The following SLF2 variants were observed in gnomAD, a reference collection of about 807,000 sequenced individuals.
The protein encoded by SLF2 is SMC5-SMC6 complex localization factor protein 2.
Under a neutral mutation model 124.3 loss-of-function variants are expected in SLF2, and 68 were observed. The observed-to-expected ratio is 0.55, with a 90% CI of 0.45 to 0.67. SLF2 has a LOEUF of 0.67. SLF2 is among the 30% of genes least tolerant of loss of function. SLF2 has a pLI of 0.00. For synonymous variants in SLF2, 480 were observed against 478.8 expected (o/e 1.00, Z -0.03); for missense variants, 1,246 against 1,373.7 (o/e 0.91, Z 1.47).
chr10:100,917,313 A>C lies in SLF2; in HGVS notation c.915+13A>C, dbSNP rs1335036174. ...TCTGTCAAATGTGGTATGTGTAAGA[A>C]TTATTGAATTAGCATTGCTACTGCT... On this transcript the variant is annotated intron_variant, in intron 3 of 19. Transcript: ENST00000238961. 6.3e-7 allele frequency: 1 copy of C among 1,584,862 alleles called. No individual in the cohort carries two copies. Among genetic ancestry groups the C allele is most frequent in the Admixed American group, 1.8e-5 (1 of 54,870 alleles).
chr10:100,937,381 T>G (rs1159082311), intron 9 of SLF2, 21 bp from the exon 10 acceptor site: 6 of 1,576,904 alleles, frequency 3.8e-6, no homozygotes, highest in Non-Finnish European at 5.2e-6. Flanking sequence ...TAATATCCTG[T>G]CATTTCTCTG....
In SLF2 at chr10:100,947,119, T is replaced by C. The variant is rs1359875869; in HGVS notation, c.3015T>C (p.Asn1005=). The C allele has an allele frequency of 1.3e-6, 2 of 1,579,424 alleles. No individual in the cohort carries two copies. Among genetic ancestry groups the C allele is most frequent in the African/African-American group, 2.7e-5 (2 of 72,732 alleles). ...TGTGGTTGGTACAGCTGGTCCCTAA[T>C]TGGACATCACGTGGAAGGTATTAAA... ...NLLWLVQLVP[N]WTSRGRQLRQ... is the part of the protein sequence containing the mutation. The change falls in exon 14 of 20, where the codon AAT becomes AAC. Residue 1005 remains asparagine, a synonymous_variant. Transcript: ENST00000238961.
At chr10:100,953,119 G>A (rs1323191513) in intron 17 of SLF2, among the ~76,000 whole-genome samples, 3 of 150,918 alleles carry the variant, frequency 2.0e-5, no homozygotes, top group Admixed American at 6.6e-5. Context: ...AGGTTCAAGC[G>A]ATTCTCCTGC....
chr10:100,950,306 C>A, intron 16 of SLF2, 99 bp downstream of exon 16: 2 of 1,231,860 alleles, frequency 1.6e-6, no homozygotes, highest in Non-Finnish European at 2.2e-6. Context: ...GATTTGGACA[C>A]TAGACACATT....
rs1169821847 is a variant in SLF2 at position 100,916,976 on chromosome 10, C to T, written c.591C>T (p.Ser197=). ...ATCGAGGCAAAACCAATGCAGACTCCAAAAAGCAGACCACAGTGGCAGAAG... is the reference window on the plus strand; with the variant it reads ...ATCGAGGCAAAACCAATGCAGACTCTAAAAAGCAGACCACAGTGGCAGAAG... ...DRDRGKTNAD[S]KKQTTVAEAD... The change falls in exon 3 of 20, where the codon TCC becomes TCT. Residue 197 remains serine, a synonymous_variant. Transcript: ENST00000238961. 1.2e-6 allele frequency: 2 copies of T among 1,614,026 alleles called. No homozygotes were observed. Among genetic ancestry groups the T allele is most frequent in the Admixed American group, 1.7e-5 (1 of 60,016 alleles).
At chr10:100,957,736 T>C (rs1850360184) in intron 18 of SLF2, among the ~76,000 whole-genome samples, 1 of 152,100 alleles carries the variant, frequency 6.6e-6, no homozygotes, top group Non-Finnish European at 1.5e-5. Context: ...CTAAGCTTGC[T>C]AAGCTTTTTT....
At chr10:100,953,304 T>G (rs1850257499) in intron 17 of SLF2, among the ~76,000 whole-genome samples, 1 of 149,580 alleles carries the variant, frequency 6.7e-6, no homozygotes, top group East Asian at 2.2e-4. Flanking sequence ...ACAGGCCTGA[T>G]CCACCATGCC....
rs1322432690 is a variant in SLF2, at chr10:100,963,792, T to A, written c.*1880T>A. ...GACAAGTGGGTTATTCAGGTTTTTT[T>A]TTAATGACCCTTTTGTATTGCAGTT... On this transcript the variant is annotated 3_prime_UTR_variant, in exon 20 of 20. Coordinates refer to ENST00000238961, the MANE Select transcript of SLF2 (RefSeq NM_018121.4). 1 of 152,632 alleles carries A rather than the reference T, an allele frequency of 6.6e-6. No individual in the cohort carries two copies. The highest frequency in any genetic ancestry group is 1.9e-4 in the East Asian group (1 of 5,200). 9.5% of individuals were successfully genotyped at this position (152,632 alleles called of 1,614,324 possible).
intron 17 of SLF2, among the ~76,000 whole-genome samples, chr10:100,951,413 G>A (rs1850211482): frequency 1.3e-5 from 2 of 152,220 alleles, no homozygotes; most frequent in Admixed American, 1.3e-4. Context: ...AGAAATGGCA[G>A]TCAGGTGGCA....
intron 15 of SLF2, among the ~76,000 whole-genome samples, chr10:100,949,432 T>C (rs1850168903): frequency 1.3e-5 from 2 of 152,222 alleles, no homozygotes; most frequent in African/African-American, 4.8e-5. Flanking sequence ...CCACAACTTC[T>C]TGTAGTTCTT....
intron 11 of SLF2, among the ~76,000 whole-genome samples, chr10:100,942,476 A>G (rs1345324596): frequency 3.9e-5 from 6 of 152,182 alleles, no homozygotes; most frequent in African/African-American, 7.2e-5. Context: ...TGGCCTCTCC[A>G]GGTACTCCAC....
chr10:100,936,865 TAAA>T (rs36074599), intron 9 of SLF2, among the ~76,000 whole-genome samples: 77 of 146,562 alleles, frequency 5.3e-4, no homozygotes, highest in Non-Finnish European at 6.1e-4. Flanking sequence ...ATGAAAGTTG[TAAA>T]AAAAAAAAAA....
chr10:100,956,385 C>T (rs1850329093), intron 17 of SLF2, 66 bp from the exon 18 acceptor site: 1 of 1,124,802 alleles, frequency 8.9e-7, no homozygotes, highest in Non-Finnish European at 1.3e-6. Context: ...GTTCTAGCTG[C>T]ATAATTTCTT....
At chr10:100,936,936 G>A (rs183950613) in intron 9 of SLF2, among the ~76,000 whole-genome samples, 24 of 151,184 alleles carry the variant, frequency 1.6e-4, no homozygotes, top group East Asian at 3.9e-4. Context: ...CCTTCTCCAC[G>A]TATCATATAT....
At chr10:100,918,312 T>C in intron 3 of SLF2, 72 bp from the exon 4 acceptor site, 1 of 939,176 alleles carries the variant, frequency 1.1e-6, no homozygotes, top group Non-Finnish European at 1.6e-6. Flanking sequence ...TGTGTTTAAA[T>C]GTTAGGAAGA....
At chr10:100,943,329 A>G (rs747975399) in intron 11 of SLF2, among the ~76,000 whole-genome samples, 12 of 152,240 alleles carry the variant, frequency 7.9e-5, no homozygotes, top group South Asian at 2.1e-4. Flanking sequence ...TAAAATGCCA[A>G]TGGAAGGAAG....
intron 4 of SLF2, 51 bp from the exon 5 acceptor site, chr10:100,923,924 C>T (rs1849562283): frequency 7.2e-7 from 1 of 1,397,934 alleles, no homozygotes; most frequent in East Asian, 2.4e-5. Flanking sequence ...ATAAACTTTA[C>T]TAAAGTTGGA....
At position 100,922,504 on chromosome 10, in the gene SLF2, C is replaced by T. The variant is rs530560759; in HGVS notation, c.974-1471C>T. 4.9e-4 allele frequency among the ~76,000 whole-genome samples: 74 copies of T among 152,306 alleles called. 1 individual carries two copies. In the Middle Eastern group the frequency reaches 0.02, roughly 42 times the overall value. ...ACAGGCATGAGCCACTGTGCCCAGC[C>T]ATTTTAGGTTTTTAAAGCAACTCTT... On this transcript the variant is annotated intron_variant, in intron 4 of 19. Transcript: ENST00000238961.
intron 18 of SLF2, among the ~76,000 whole-genome samples, chr10:100,959,083 C>G (rs1850382107): frequency 6.6e-6 from 1 of 152,158 alleles, no homozygotes; most frequent in African/African-American, 2.4e-5. Flanking sequence ...TTGACACAGA[C>G]CACCCTTCAG....
Sources: gnomAD v4.1 joint callset for allele counts (sites outside exome capture counted in the v4.1 genomes callset) on GRCh38, gnomAD v4.1.1 for gene constraint, MANE v1.5 for transcripts, NCBI Gene and HGNC (gene_info 2026-07-23, HGNC 2026-07-21) for gene names.